RBM47: variants seen among roughly 807,000 people sequenced by gnomAD.
The protein encoded by RBM47 is RNA-binding protein 47.
A neutral mutation model predicts 47.1 loss-of-function variants in RBM47; 21 were observed. The ratio of observed to expected loss-of-function variants is 0.45; its 90% CI spans 0.32 to 0.64. The LOEUF (loss-of-function observed/expected upper bound fraction) is 0.64. Among genes scored for constraint, RBM47 ranks in the 30% least tolerant of loss-of-function variants. RBM47 has a pLI of 0.05. For missense variants in RBM47, 708 were observed against 870.9 expected (o/e 0.81, Z 2.35); for synonymous variants, 375 against 361.7 (o/e 1.04, Z -0.42).
At chr4:40,464,305 T>C (rs774878047) in intron 3 of RBM47, among the ~76,000 whole-genome samples, 3 of 152,212 alleles carry the variant, frequency 2.0e-5, no homozygotes, top group Non-Finnish European at 2.9e-5. Context: ...AGTGGATGCC[T>C]GAAACCTCTG....
At chr4:40,432,927 T>A in intron 5 of RBM47, 65 bp from the exon 6 acceptor site, 1 of 1,562,708 alleles carries the variant, frequency 6.4e-7, no homozygotes, top group Non-Finnish European at 8.6e-7. Context: ...GGTCCAGCAC[T>A]TGCTCTAAGA....
Position 40,607,476 on chromosome 4 carries a change from G to A in RBM47, c.-240+21920C>T, listed in dbSNP as rs563371755. 1.6e-4 allele frequency among the ~76,000 whole-genome samples: 25 copies of A among 152,296 alleles called. 1 individual carries two copies. In the South Asian group the frequency reaches 5.2e-3, roughly 32 times the overall value. ...AATCCCAGCACTTTAAGAGGCTGTG[G>A]CAGGAGGATCACTTGAGCCCAGGAG... On this transcript the variant is annotated intron_variant, in intron 1 of 6. Coordinates refer to ENST00000295971, the MANE Select transcript of RBM47 (RefSeq NM_001098634.2).
At chr4:40,536,109 A>C (rs1392857252) in intron 2 of RBM47, among the ~76,000 whole-genome samples, 1 of 152,206 alleles carries the variant, frequency 6.6e-6, no homozygotes, top group Non-Finnish European at 1.5e-5. Context: ...CAGACATAGA[A>C]ATTTTGTCAT....
At chr4:40,460,134 A>G (rs1278906012) in intron 3 of RBM47, among the ~76,000 whole-genome samples, 2 of 152,032 alleles carry the variant, frequency 1.3e-5, no homozygotes, top group Non-Finnish European at 2.9e-5. Context: ...AATGGATTAT[A>G]TTGAATGCCA....
intron 1 of RBM47, among the ~76,000 whole-genome samples, chr4:40,555,713 T>C (rs1216045123): frequency 6.6e-6 from 1 of 152,212 alleles, no homozygotes; most frequent in East Asian, 1.9e-4. Flanking sequence ...CGCCACATCA[T>C]CCTGCCTCTC....
intron 6 of RBM47, among the ~76,000 whole-genome samples, chr4:40,431,964 C>T (rs1208627504): frequency 1.3e-5 from 2 of 151,838 alleles, no homozygotes; most frequent in East Asian, 1.9e-4. Flanking sequence ...GGTCCTCCTG[C>T]CTCAGCCTCC....
intron 1 of RBM47, among the ~76,000 whole-genome samples, chr4:40,604,643 TAAAA>T (rs879327659): frequency 6.6e-6 from 1 of 150,890 alleles, no homozygotes; most frequent in African/African-American, 2.4e-5. Context: ...AAATAAAAAA[TAAAA>T]AAAAATAAGC....
intron 2 of RBM47, among the ~76,000 whole-genome samples, chr4:40,504,529 G>A (rs942046456): frequency 7.2e-5 from 11 of 152,084 alleles, no homozygotes; most frequent in Admixed American, 2.0e-4. Context: ...CTGACCTCAA[G>A]TGATCCACCC....
intron 1 of RBM47, among the ~76,000 whole-genome samples, chr4:40,574,993 T>C (rs1732151712): frequency 6.6e-6 from 1 of 152,142 alleles, no homozygotes; most frequent in African/African-American, 2.4e-5. Context: ...CTCAAGGCAA[T>C]AGTTTTCAAT....
chr4:40,598,903 C>T (rs1483410105), intron 1 of RBM47, among the ~76,000 whole-genome samples: 1 of 150,000 alleles, frequency 6.7e-6, no homozygotes, highest in Non-Finnish European at 1.5e-5. Flanking sequence ...ATTTATTCAT[C>T]ATCCTTGACT....
chr4:40,598,729 T>A (rs9995702), intron 1 of RBM47, among the ~76,000 whole-genome samples: 6,212 of 152,164 alleles, frequency 0.041, 408 homozygotes, highest in African/African-American at 0.14. Flanking sequence ...AAGCTATTTT[T>A]AAAAAATCCT....
In RBM47 at chr4:40,628,888, G is replaced by A. The variant is rs1560514496; in HGVS notation, c.-240+508C>T. Among the ~76,000 whole-genome samples the A allele has an allele frequency of 6.6e-6, 1 of 152,134 alleles. No homozygotes were observed. ...ATTTGTCAGATGTCATAATTCGTCA[G>A]TCCTACCCTTTTCTACAGGCTGAAT... On this transcript the variant is annotated intron_variant, in intron 1 of 6. Transcript: ENST00000295971. The surrounding 1 kb of genome is among the most constrained non-coding windows in gnomAD (Gnocchi z 4.0).
intron 1 of RBM47, among the ~76,000 whole-genome samples, chr4:40,549,383 C>T (rs556024551): frequency 1.5e-4 from 23 of 152,152 alleles, no homozygotes; most frequent in Non-Finnish European, 1.8e-4. Context: ...TGAGCCACCA[C>T]GCCCAGCCAG....
At chr4:40,553,798 G>C (rs6839162) in intron 1 of RBM47, among the ~76,000 whole-genome samples, 12,030 of 152,056 alleles carry the variant, frequency 0.079, 1,352 homozygotes, top group African/African-American at 0.25. Flanking sequence ...CCTGTTCCAA[G>C]ACTTTTACTA....
intron 2 of RBM47, among the ~76,000 whole-genome samples, chr4:40,511,417 A>T (rs765565709): frequency 1.3e-5 from 2 of 152,222 alleles, no homozygotes; most frequent in Non-Finnish European, 2.9e-5. Context: ...AACAAACAAG[A>T]ACGCTTGTAG....
intron 2 of RBM47, among the ~76,000 whole-genome samples, chr4:40,479,102 T>C (rs545317676): frequency 7.2e-5 from 11 of 152,340 alleles, no homozygotes; most frequent in Admixed American, 6.5e-4. Flanking sequence ...TTAACCAGTA[T>C]TGAAAAACAG....
At chr4:40,608,107 A>C (rs1236773042) in intron 1 of RBM47, among the ~76,000 whole-genome samples, 1 of 152,142 alleles carries the variant, frequency 6.6e-6, no homozygotes, top group Non-Finnish European at 1.5e-5. Flanking sequence ...ATCTCCAAAA[A>C]AAAAAGGTGA....
chr4:40,441,805 C>G (rs1329937576), intron 3 of RBM47, among the ~76,000 whole-genome samples: 6 of 152,238 alleles, frequency 3.9e-5, no homozygotes, highest in Non-Finnish European at 8.8e-5. Flanking sequence ...TGCTTTCAGT[C>G]TGAAATCTGC....
intron 2 of RBM47, among the ~76,000 whole-genome samples, chr4:40,516,609 C>T (rs1050903945): frequency 2.0e-5 from 3 of 152,154 alleles, no homozygotes; most frequent in African/African-American, 7.2e-5. Flanking sequence ...TATCACACAA[C>T]CCAGTGCATG....
Sources: allele counts gnomAD v4.1 joint callset (sites outside exome capture counted in the v4.1 genomes callset), GRCh38; gene constraint gnomAD v4.1.1; non-coding constraint Gnocchi (gnomAD v3.1); transcripts MANE v1.5; gene names NCBI Gene and HGNC (gene_info 2026-07-23, HGNC 2026-07-21).